Variants in PCDHA3 observed in about 807,000 individuals in gnomAD.
The protein encoded by PCDHA3 is protocadherin alpha 3.
A neutral mutation model predicts 62.2 loss-of-function variants in PCDHA3; 41 were observed. That is an observed-to-expected ratio of 0.66 (90% CI 0.51 to 0.86). PCDHA3 has a LOEUF of 0.86. Ranked by LOEUF, PCDHA3 falls within the 40% of genes least tolerant of loss-of-function variation. The pLI is 0.00. For missense variants in PCDHA3, 1,304 were observed against 1,241.2 expected, an observed-to-expected ratio of 1.05 and a Z score of -0.76; for synonymous variants, 640 against 555.4, an observed-to-expected ratio of 1.15 and a Z score of -2.14.
chr5:140,802,820 C>T lies in PCDHA3; in HGVS notation c.1623C>T (p.Gly541=), dbSNP rs1554122388. 4.3e-6 allele frequency: 7 copies of T among 1,613,422 alleles called. No individual in the cohort carries two copies. The Admixed American group carries it at 8.3e-5, about 19-fold the overall frequency. ...LQFQVSARDA[G]VPPLGSNVTL... is the part of the protein sequence containing the mutation. The stretch of plus-strand genomic sequence containing the variant: ...TCCAGGTGAGTGCGCGCGATGCGGG[C>T]GTGCCGCCTCTGGGCAGCAACGTGA... The change falls in exon 1 of 4, where the codon GGC becomes GGT. Residue 541 remains glycine, a synonymous_variant. Coordinates refer to ENST00000522353, the MANE Select transcript of PCDHA3 (RefSeq NM_018906.3).
chr5:140,957,113 G>A (rs1554222808), intron 1 of PCDHA3, among the ~76,000 whole-genome samples: 2 of 152,086 alleles, frequency 1.3e-5, no homozygotes, highest in Admixed American at 6.6e-5. Flanking sequence ...ACATGATTCT[G>A]TGTGTTTCTT....
At chr5:140,875,373 A>G in intron 1 of PCDHA3, 7 of 1,454,810 alleles carry the variant, frequency 4.8e-6, no homozygotes, top group Non-Finnish European at 6.3e-6. Flanking sequence ...AAAATTTACT[A>G]AATATGTACT....
At chr5:140,854,067 C>T (rs2042967096) in intron 1 of PCDHA3, 1 of 266,958 alleles carries the variant, frequency 3.7e-6, no homozygotes, top group Non-Finnish European at 5.7e-6. Context: ...GAGGCTGAGG[C>T]GAGAGAATCG....
chr5:140,823,862 A>G (rs2150129786), intron 1 of PCDHA3: 2 of 1,613,814 alleles, frequency 1.2e-6, no homozygotes, highest in Admixed American at 3.3e-5. Flanking sequence ...GTGGATGTCA[A>G]CGTGTACCTG....
At chr5:140,874,317 A>G (rs1423586280) in intron 1 of PCDHA3, among the ~76,000 whole-genome samples, 2 of 151,836 alleles carry the variant, frequency 1.3e-5, no homozygotes, top group Admixed American at 1.3e-4. Flanking sequence ...GAGTTGTAGG[A>G]TCTTATCTGT....
At chr5:140,837,457 C>T (rs1554136474) in intron 1 of PCDHA3, among the ~76,000 whole-genome samples, 2 of 151,816 alleles carry the variant, frequency 1.3e-5, no homozygotes, top group Non-Finnish European at 2.9e-5. Context: ...AAAAAATCTC[C>T]TTGCCTCCTC....
At chr5:140,982,298 A>G (rs1371152402) in intron 2 of PCDHA3, 177 bp from the exon 3 acceptor site, 12 of 1,189,736 alleles carry the variant, frequency 1.0e-5, no homozygotes, top group Admixed American at 5.6e-5. Flanking sequence ...TAAGTCAGCA[A>G]TGCTTCTGCA....
intron 1 of PCDHA3, chr5:140,835,711 T>A: frequency 6.2e-7 from 1 of 1,613,776 alleles, no homozygotes; most frequent in Non-Finnish European, 8.5e-7. Context: ...AGCGTGTCCG[T>A]GGAGGTGGCC....
At position 140,808,632 on chromosome 5, in the gene PCDHA3, C is replaced by T; in HGVS notation, c.2394+5041C>T. 9.3e-6 allele frequency: 15 copies of T among 1,613,592 alleles called. No individual in the cohort carries two copies. The South Asian group carries it at 1.1e-4, about 12-fold the overall frequency. On this transcript the variant is annotated intron_variant, in intron 1 of 3. Transcript: ENST00000522353. ...ATCTTCACTGTGTCTGCGTGGGACG[C>T]GGACGCGCAGGAGAACGCGCTGGTG...
At position 140,840,851 on chromosome 5, in the gene PCDHA3, A is replaced by G. The variant is rs2150309706; in HGVS notation, c.2394+37260A>G. On this transcript the variant is annotated intron_variant, in intron 1 of 3. Coordinates refer to ENST00000522353, the MANE Select transcript of PCDHA3 (RefSeq NM_018906.3). ...AAATAAATATTAATGCATTTCTTCC[A>G]CACGAAACTATGGAGGACAGTTTAC... is the stretch of plus-strand genomic sequence containing the variant. Among the ~76,000 whole-genome samples the G allele has an allele frequency of 2.2e-4, 34 of 152,166 alleles. 1 individual carries two copies. The highest frequency in any genetic ancestry group is 1.5e-5 in the Non-Finnish European group (1 of 68,006).
chr5:141,008,678 G>C (rs1463545809), intron 3 of PCDHA3, among the ~76,000 whole-genome samples: 1 of 152,112 alleles, frequency 6.6e-6, no homozygotes, highest in Non-Finnish European at 1.5e-5. Flanking sequence ...ATATACTTTA[G>C]TTATTGCATG....
In PCDHA3 at chr5:140,803,085, G is replaced by A; in HGVS notation, c.1888G>A (p.Glu630Lys). The A allele has an allele frequency of 6.2e-7, 1 of 1,613,924 alleles. No homozygotes were observed. The highest frequency in any genetic ancestry group is 1.3e-5 in the African/African-American group (1 of 75,062). ...IPFRVGLYTG[E>K]ISTTRALDEV... The stretch of plus-strand genomic sequence containing the variant: ...GTTTCGCGTGGGGCTGTACACGGGA[G>A]AGATCAGCACGACCCGTGCCCTGGA... The change falls in exon 1 of 4, where the codon GAG becomes AAG. Residue 630 changes from glutamate (E) to lysine (K), a missense_variant. Coordinates refer to ENST00000522353, the MANE Select transcript of PCDHA3 (RefSeq NM_018906.3).
chr5:140,846,373 CT>C (rs2150388509), intron 1 of PCDHA3, among the ~76,000 whole-genome samples: 2,055 of 55,084 alleles, frequency 0.037, 29 homozygotes, highest in African/African-American at 0.088. Flanking sequence ...TTCTTTCTTT[CT>C]TTTTTTTTTT....
intron 1 of PCDHA3, among the ~76,000 whole-genome samples, chr5:140,806,086 G>T (rs1554123533): frequency 6.6e-6 from 1 of 152,142 alleles, no homozygotes; most frequent in Admixed American, 6.5e-5. Context: ...TGTAAAAGAA[G>T]AAAAAATACC....
chr5:140,842,310 T>C (rs2150333905), intron 1 of PCDHA3: 2 of 1,608,760 alleles, frequency 1.2e-6, no homozygotes, highest in Admixed American at 1.7e-5. Flanking sequence ...CATCCTCCCA[T>C]GGCGGGTCAT....
chr5:140,875,655 G>C, intron 1 of PCDHA3: 1 of 1,613,724 alleles, frequency 6.2e-7, no homozygotes, highest in Middle Eastern at 1.7e-4. Context: ...AGCTGGTGCC[G>C]CGCCTGTTCC....
chr5:140,858,449 G>A, intron 1 of PCDHA3: 3 of 1,532,030 alleles, frequency 2.0e-6, no homozygotes, highest in African/African-American at 2.8e-5. Context: ...GGGTTATTAC[G>A]TTTTCATTTT....
intron 1 of PCDHA3, among the ~76,000 whole-genome samples, chr5:140,916,773 A>G (rs1584011849): frequency 6.6e-6 from 1 of 151,502 alleles, no homozygotes; most frequent in South Asian, 2.1e-4. Context: ...TGGCACAAGC[A>G]CTCCCTTAGC....
At chr5:140,964,213 A>G (rs1338010666) in intron 1 of PCDHA3, among the ~76,000 whole-genome samples, 10 of 152,210 alleles carry the variant, frequency 6.6e-5, no homozygotes, top group African/African-American at 1.9e-4. Flanking sequence ...CTTTAGTACA[A>G]TGTCTTTCAA....
Sources: allele counts gnomAD v4.1 joint callset (sites outside exome capture counted in the v4.1 genomes callset), GRCh38; gene constraint gnomAD v4.1.1; transcripts MANE v1.5; gene names NCBI Gene and HGNC (gene_info 2026-07-23, HGNC 2026-07-21).